SOX6: variants seen among roughly 807,000 people sequenced by gnomAD.
SOX6 encodes the protein transcription factor SOX-6.
Under a neutral mutation model 97.8 loss-of-function variants are expected in SOX6, and 11 were observed. That is an observed-to-expected ratio of 0.11 (90% CI 0.07 to 0.19). The LOEUF (loss-of-function observed/expected upper bound fraction) is 0.19. SOX6 is among the 10% of genes least tolerant of loss of function. The pLI is 1.00. For synonymous variants in SOX6, 360 were observed against 371.4 expected (o/e 0.97, Z 0.35); for missense variants, 810 against 1,039.5 (o/e 0.78, Z 3.04).
chr11:16,411,278 T>A (rs1299538533), intron 1 of SOX6, among the ~76,000 whole-genome samples: 1 of 152,178 alleles, frequency 6.6e-6, no homozygotes, highest in African/African-American at 2.4e-5. Flanking sequence ...CTTTTTCAGT[T>A]TTGGCTTGAT....
chr11:16,571,460 C>T (rs934624231), intron 4 of SOX6, among the ~76,000 whole-genome samples: 13 of 152,052 alleles, frequency 8.5e-5, no homozygotes, highest in African/African-American at 1.7e-4. Flanking sequence ...CACTATGTTG[C>T]CCAGGCTAGA....
intron 6 of SOX6, among the ~76,000 whole-genome samples, chr11:16,153,252 C>A (rs928954999): frequency 6.6e-6 from 1 of 152,068 alleles, no homozygotes; most frequent in Non-Finnish European, 1.5e-5. Flanking sequence ...AAGTGATCCA[C>A]CCATCTCAGC....
chr11:16,626,022 G>C (rs891532647), intron 3 of SOX6, among the ~76,000 whole-genome samples: 19 of 152,320 alleles, frequency 1.2e-4, no homozygotes, highest in Non-Finnish European at 1.0e-4. Context: ...ACTGGTGTCT[G>C]AGGTGGTGGC....
At chr11:16,405,773 T>C (rs2133049270) in intron 1 of SOX6, among the ~76,000 whole-genome samples, 1 of 152,146 alleles carries the variant, frequency 6.6e-6, no homozygotes, top group South Asian at 2.1e-4. Context: ...AGAGTATAAA[T>C]GGAGTTAAGG....
Position 16,289,352 on chromosome 11 carries a change from T to C in SOX6, c.445+29094A>G, listed in dbSNP as rs187061891. Among the ~76,000 whole-genome samples the C allele has an allele frequency of 2.4e-4, 37 of 152,078 alleles. No homozygotes were observed. The East Asian group carries it at 6.8e-3, about 28-fold the overall frequency. ...GAAGTAACTGACAAGTCTGGCACAC[T>C]CTGGTAGCTTCCATAACCTACTCTT... On this transcript the variant is annotated intron_variant, in intron 3 of 15. Transcript: ENST00000683767.
intron 4 of SOX6, among the ~76,000 whole-genome samples, chr11:16,562,262 A>C (rs1847824365): frequency 6.6e-6 from 1 of 152,214 alleles, no homozygotes. Context: ...GACTCTAAAA[A>C]GTGGAAAGAA....
chr11:16,110,766 C>G (rs1849210176), intron 7 of SOX6, among the ~76,000 whole-genome samples: 1 of 152,140 alleles, frequency 6.6e-6, no homozygotes, highest in African/African-American at 2.4e-5. Context: ...CTAAAATGCA[C>G]TAGGCTTGTT....
At chr11:16,708,404 G>A (rs1422533019) in intron 3 of SOX6, among the ~76,000 whole-genome samples, 1 of 152,110 alleles carries the variant, frequency 6.6e-6, no homozygotes, top group Non-Finnish European at 1.5e-5. Flanking sequence ...TTCCCCACAA[G>A]GTAGTTTGAT....
At chr11:16,171,417 C>G (rs926840561) in intron 6 of SOX6, among the ~76,000 whole-genome samples, 1 of 151,978 alleles carries the variant, frequency 6.6e-6, no homozygotes, top group African/African-American at 2.4e-5. Context: ...ATAACTGGCA[C>G]AAATGCTCTG....
At chr11:16,046,992 G>A (rs1006084342) in intron 11 of SOX6, among the ~76,000 whole-genome samples, 1 of 152,058 alleles carries the variant, frequency 6.6e-6, no homozygotes, top group Non-Finnish European at 1.5e-5. Flanking sequence ...ACATATTGGG[G>A]GAAGGTATTT....
chr11:16,277,448 A>G (rs931002772), intron 3 of SOX6, among the ~76,000 whole-genome samples: 2 of 152,122 alleles, frequency 1.3e-5, no homozygotes, highest in African/African-American at 4.8e-5. Flanking sequence ...GTGAAAAATA[A>G]ATTTCTGTTG....
intron 4 of SOX6, among the ~76,000 whole-genome samples, chr11:16,521,738 T>G (rs925133270): frequency 4.6e-5 from 7 of 151,946 alleles, no homozygotes; most frequent in African/African-American, 1.7e-4. Context: ...TGAAAAAAAT[T>G]TAGACGAATG....
intron 1 of SOX6, among the ~76,000 whole-genome samples, chr11:16,377,683 G>A (rs551637861): frequency 2.2e-4 from 34 of 152,124 alleles, no homozygotes; most frequent in Non-Finnish European, 3.8e-4. Flanking sequence ...CAAGCATGGA[G>A]AATAACATTT....
chr11:16,104,903 C>A (rs1266670912), intron 7 of SOX6, among the ~76,000 whole-genome samples: 1 of 151,976 alleles, frequency 6.6e-6, no homozygotes, highest in Non-Finnish European at 1.5e-5. Context: ...TGATCAAAGA[C>A]CTCCCAGTAA....
chr11:16,381,946 A>AC (rs1288348420), intron 1 of SOX6, among the ~76,000 whole-genome samples: 7 of 152,100 alleles, frequency 4.6e-5, no homozygotes, highest in South Asian at 2.1e-4. Context: ...GGGGAAAAAA[A>AC]ACACACACAT....
At chr11:16,145,931 G>T (rs1010335159) in intron 6 of SOX6, among the ~76,000 whole-genome samples, 1 of 152,090 alleles carries the variant, frequency 6.6e-6, no homozygotes, top group Admixed American at 6.6e-5. Context: ...ACTGTCCAAG[G>T]TAATTTATAG....
intron 4 of SOX6, among the ~76,000 whole-genome samples, chr11:16,493,174 G>A (rs1860537873): frequency 6.6e-6 from 1 of 152,176 alleles, no homozygotes; most frequent in Admixed American, 6.5e-5. Context: ...ATTCATATTA[G>A]TCCCAAACTG....
chr11:16,513,492 G>A (rs1860913453), intron 4 of SOX6, among the ~76,000 whole-genome samples: 1 of 152,166 alleles, frequency 6.6e-6, no homozygotes, highest in African/African-American at 2.4e-5. Flanking sequence ...AATTAGCCGG[G>A]CAAAGTGGCA....
At chr11:16,142,616 C>T (rs945797384) in intron 6 of SOX6, among the ~76,000 whole-genome samples, 13 of 152,114 alleles carry the variant, frequency 8.5e-5, no homozygotes, top group South Asian at 4.2e-4. Context: ...AAATATTAGA[C>T]GAATGGCTAA....
Sources: gnomAD v4.1 joint callset for allele counts (sites outside exome capture counted in the v4.1 genomes callset) on GRCh38, gnomAD v4.1.1 for gene constraint, MANE v1.5 for transcripts, NCBI Gene and HGNC (gene_info 2026-07-23, HGNC 2026-07-21) for gene names.